UNC79: variants seen among roughly 807,000 people sequenced by gnomAD.
The protein encoded by UNC79 is unc-79 subunit of NALCN channel complex.
UNC79 carries 37 observed loss-of-function variants against 283.1 expected under a neutral mutation model. The ratio of observed to expected loss-of-function variants is 0.13; its 90% CI spans 0.10 to 0.17. The LOEUF is 0.17. UNC79 is among the 10% of genes least tolerant of loss of function. The probability of loss-of-function intolerance (pLI) is 1.00; values close to 1 mark genes in which losing one functional copy is unlikely to be tolerated. For missense variants in UNC79, 2,272 were observed against 3,211.1 expected, an observed-to-expected ratio of 0.71 and a Z score of 7.07; for synonymous variants, 1,107 against 1,200.2, an observed-to-expected ratio of 0.92 and a Z score of 1.61.
At chr14:93,594,055 T>A (rs1342902709) in intron 23 of UNC79, among the ~76,000 whole-genome samples, 1 of 152,180 alleles carries the variant, frequency 6.6e-6, no homozygotes, top group Non-Finnish European at 1.5e-5. Flanking sequence ...CAGGTTTGCA[T>A]AGGACAGACC....
At chr14:93,385,462 G>C (rs1276883007) in intron 1 of UNC79, among the ~76,000 whole-genome samples, 1 of 151,814 alleles carries the variant, frequency 6.6e-6, no homozygotes, top group East Asian at 1.9e-4. Flanking sequence ...TTCTTTTTCA[G>C]ATTTTTCACT....
chr14:93,526,762 T>C (rs1378657333), intron 8 of UNC79, among the ~76,000 whole-genome samples: 1 of 152,224 alleles, frequency 6.6e-6, no homozygotes, highest in African/African-American at 2.4e-5. Context: ...TAATCTCTAA[T>C]GATTATTTAT....
At chr14:93,368,855 G>A (rs958005220) in intron 1 of UNC79, among the ~76,000 whole-genome samples, 3 of 152,194 alleles carry the variant, frequency 2.0e-5, no homozygotes, top group African/African-American at 4.8e-5. Flanking sequence ...TTGTAAACAA[G>A]TGAACCTGAA....
At chr14:93,505,170 T>C (rs2059467384) in intron 7 of UNC79, among the ~76,000 whole-genome samples, 1 of 152,104 alleles carries the variant, frequency 6.6e-6, no homozygotes, top group African/African-American at 2.4e-5. Context: ...TCAATGAAAT[T>C]AAATTTGTAA....
Position 93,474,149 on chromosome 14 carries a change from G to A in UNC79, c.204G>A (p.Met68Ile), listed in dbSNP as rs2057672091. Residue 68 changes from methionine to isoleucine, a missense_variant, in exon 3 of 49, where the codon ATG (methionine) becomes ATA (isoleucine). Physicochemically the swap from Met to Ile is conservative, Grantham distance 10 (BLOSUM62 1). This residue lies in a region of UNC79 where 194 missense variants were observed against 268.9 expected (regional missense o/e 0.72). Transcript: ENST00000555664. The surrounding 1 kb of genome is among the most constrained non-coding windows in gnomAD (Gnocchi z 4.1). ...ATGCCTCCAATTTGACAGTGCCCATGACCATGTGTCTTTTTCCTGTGCCAT... is the reference window on the plus strand; with the variant it reads ...ATGCCTCCAATTTGACAGTGCCCATAACCATGTGTCTTTTTCCTGTGCCAT... 1 of 1,535,874 alleles carries A rather than the reference G, an allele frequency of 6.5e-7. No homozygotes were observed. The highest frequency in any genetic ancestry group is 1.4e-5 in the African/African-American group (1 of 73,028).
intron 2 of UNC79, among the ~76,000 whole-genome samples, chr14:93,471,926 G>C (rs1443509029): frequency 6.6e-6 from 1 of 152,052 alleles, no homozygotes; most frequent in Admixed American, 6.6e-5. Flanking sequence ...TTTGTTAACT[G>C]ACATCATACT....
At chr14:93,705,062 C>T (rs1270042164) in intron 48 of UNC79, among the ~76,000 whole-genome samples, 1 of 152,062 alleles carries the variant, frequency 6.6e-6, no homozygotes, top group African/African-American at 2.4e-5. Context: ...TAGCGAGACC[C>T]CATCTCTGCA....
chr14:93,551,031 ATTAT>A, intron 14 of UNC79, among the ~76,000 whole-genome samples: 1 of 151,698 alleles, frequency 6.6e-6, no homozygotes, highest in African/African-American at 2.4e-5. Context: ...TTTTTATTTT[ATTAT>A]TTATTTATTT....
intron 1 of UNC79, among the ~76,000 whole-genome samples, chr14:93,393,201 C>G (rs1229808254): frequency 6.6e-6 from 1 of 152,190 alleles, no homozygotes; most frequent in Admixed American, 6.5e-5. Context: ...CAGCAATACT[C>G]TATTCTCTAA....
At chr14:93,378,755 T>C (rs1252732065) in intron 1 of UNC79, among the ~76,000 whole-genome samples, 1 of 152,212 alleles carries the variant, frequency 6.6e-6, no homozygotes, top group Non-Finnish European at 1.5e-5. Context: ...TGGAGCATGT[T>C]GGATTTTGGA....
chr14:93,667,028 C>G (rs1445295609), intron 40 of UNC79, among the ~76,000 whole-genome samples: 1 of 151,986 alleles, frequency 6.6e-6, no homozygotes, highest in Admixed American at 6.6e-5. Flanking sequence ...TGCTTAAACC[C>G]AGGAGTTTGA....
intron 43 of UNC79, among the ~76,000 whole-genome samples, chr14:93,687,439 G>A (rs2074331070): frequency 1.3e-5 from 2 of 152,190 alleles, no homozygotes; most frequent in Admixed American, 1.3e-4. Context: ...GCCCTAGACA[G>A]AGGGCAGAAG....
chr14:93,484,967 C>T (rs149559981), intron 4 of UNC79, among the ~76,000 whole-genome samples: 1 of 152,188 alleles, frequency 6.6e-6, no homozygotes, highest in Non-Finnish European at 1.5e-5. Context: ...GGTGGCTGAG[C>T]CATTTGGGCC....
At chr14:93,520,098 T>C (rs905252430) in intron 7 of UNC79, among the ~76,000 whole-genome samples, 6 of 151,932 alleles carry the variant, frequency 3.9e-5, no homozygotes, top group African/African-American at 1.4e-4. Context: ...CAGCTGGAAA[T>C]GAATTCTCTT....
chr14:93,340,313 G>T (rs1194898807), intron 1 of UNC79, among the ~76,000 whole-genome samples: 1 of 152,044 alleles, frequency 6.6e-6, no homozygotes, highest in Non-Finnish European at 1.5e-5. Context: ...ATGGTGGCGG[G>T]TGCCTGTAGT....
At chr14:93,661,967 A>G (rs1014396559) in intron 39 of UNC79, among the ~76,000 whole-genome samples, 5 of 152,216 alleles carry the variant, frequency 3.3e-5, no homozygotes, top group Non-Finnish European at 7.4e-5. Context: ...AAGATAAACT[A>G]TATGAAATCA....
chr14:93,534,263 C>T (rs1416060680), intron 11 of UNC79, among the ~76,000 whole-genome samples: 1 of 152,224 alleles, frequency 6.6e-6, no homozygotes, highest in African/African-American at 2.4e-5. Flanking sequence ...GCTCTTGGCT[C>T]CACTCTCTGA....
At chr14:93,687,782 G>A (rs2074364843) in intron 43 of UNC79, among the ~76,000 whole-genome samples, 1 of 152,068 alleles carries the variant, frequency 6.6e-6, no homozygotes, top group South Asian at 2.1e-4. Context: ...AAATGACTTT[G>A]ATGTACAAAG....
At chr14:93,391,680 G>A (rs1205023500) in intron 1 of UNC79, among the ~76,000 whole-genome samples, 1 of 152,024 alleles carries the variant, frequency 6.6e-6, no homozygotes, top group Admixed American at 6.6e-5. Context: ...CCTCCCACCT[G>A]GGCCTCCCAA....
Sources: allele counts gnomAD v4.1 joint callset (sites outside exome capture counted in the v4.1 genomes callset), GRCh38; gene constraint gnomAD v4.1.1; regional missense constraint gnomAD v4.1.1; non-coding constraint Gnocchi (gnomAD v3.1); transcripts MANE v1.5; gene names NCBI Gene and HGNC (gene_info 2026-07-23, HGNC 2026-07-21).